The following KIF26B variants were observed in gnomAD, a reference collection of about 807,000 sequenced individuals.
KIF26B encodes kinesin family member 26B.
In KIF26B, 63 loss-of-function variants were observed where a neutral mutation model predicts 151.2. That is an observed-to-expected ratio of 0.42 (90% CI 0.34 to 0.51). KIF26B has a LOEUF of 0.51. Among genes scored for constraint, KIF26B ranks in the 20% least tolerant of loss-of-function variants. The pLI, the probability that KIF26B is intolerant of heterozygous loss-of-function variation, is 0.07. For missense variants in KIF26B, 2,813 were observed against 2,913.6 expected, an observed-to-expected ratio of 0.97 and a Z score of 0.79; for synonymous variants, 1,357 against 1,262.1, an observed-to-expected ratio of 1.08 and a Z score of -1.59.
chr1:245,496,561 A>G (rs2103076522), intron 4 of KIF26B, among the ~76,000 whole-genome samples: 1 of 152,328 alleles, frequency 6.6e-6, no homozygotes, highest in Non-Finnish European at 1.5e-5. Flanking sequence ...TAGTAAAATA[A>G]TGCATAAAAG....
chr1:245,393,341 C>T (rs912117144), intron 3 of KIF26B, among the ~76,000 whole-genome samples: 4 of 152,138 alleles, frequency 2.6e-5, no homozygotes, highest in African/African-American at 9.7e-5. Context: ...TTATGGCATT[C>T]TGTTCTTGCT....
chr1:245,668,015 C>T (rs2044236170), intron 10 of KIF26B, among the ~76,000 whole-genome samples: 1 of 152,202 alleles, frequency 6.6e-6, no homozygotes, highest in Admixed American at 6.5e-5. Flanking sequence ...CCTGCCTCAG[C>T]CTCCCAGGTA....
At chr1:245,365,517 C>CCCT (rs200696329) in intron 2 of KIF26B, among the ~76,000 whole-genome samples, 2 of 151,002 alleles carry the variant, frequency 1.3e-5, no homozygotes, top group African/African-American at 4.9e-5. Context: ...CACAACTCCC[C>CCCT]CCCACCAGCC....
intron 2 of KIF26B, 85 bp downstream of exon 2, chr1:245,156,768 A>T: frequency 4.7e-6 from 4 of 857,976 alleles, no homozygotes; most frequent in Non-Finnish European, 6.3e-6. Context: ...GCCCGCCGCG[A>T]CCTTGCGCGC....
In KIF26B at chr1:245,465,676, CGGA is replaced by C. The variant is rs766992171; in HGVS notation, c.1166+45933_1166+45935del. Among the ~76,000 whole-genome samples the C allele has an allele frequency of 1.1e-3, 171 of 152,276 alleles. 1 individual carries two copies. Among genetic ancestry groups the C allele is most frequent in the Non-Finnish European group, 2.2e-3 (149 of 68,028 alleles). On this transcript the variant is annotated intron_variant, in intron 4 of 14. Coordinates refer to ENST00000407071, the MANE Select transcript of KIF26B (RefSeq NM_018012.4). ...AAAGCGGATGGCGCGCTGCGTCTAA[CGGA>C]GAGTTTTTGGAAAGGACTGTTTACA...
At chr1:245,570,126 C>T (rs1367563918) in intron 5 of KIF26B, among the ~76,000 whole-genome samples, 8 of 151,680 alleles carry the variant, frequency 5.3e-5, no homozygotes, top group African/African-American at 1.9e-4. Context: ...TTAGTAGAGA[C>T]GGGGTTTCAT....
At chr1:245,307,620 G>GT (rs1281579313) in intron 2 of KIF26B, among the ~76,000 whole-genome samples, 1 of 152,018 alleles carries the variant, frequency 6.6e-6, no homozygotes, top group African/African-American at 2.4e-5. Flanking sequence ...TGCTTTGGAT[G>GT]TTTTTTTAGT....
intron 8 of KIF26B, among the ~76,000 whole-genome samples, chr1:245,610,467 C>T (rs2043507768): frequency 6.6e-6 from 1 of 152,200 alleles, no homozygotes. Context: ...GCATTTCCAA[C>T]AAGTTCCCAT....
At chr1:245,392,207 A>C (rs949499699) in intron 3 of KIF26B, among the ~76,000 whole-genome samples, 1 of 152,232 alleles carries the variant, frequency 6.6e-6, no homozygotes, top group Non-Finnish European at 1.5e-5. Context: ...ATGAAGGGGT[A>C]GTTCTCTTTC....
At chr1:245,410,258 C>T (rs1041236682) in intron 3 of KIF26B, among the ~76,000 whole-genome samples, 11 of 152,176 alleles carry the variant, frequency 7.2e-5, no homozygotes, top group African/African-American at 2.4e-4. Context: ...GCAGAACACA[C>T]CTCGTGACAT....
At chr1:245,419,516 G>A in intron 3 of KIF26B, 63 bp from the exon 4 acceptor site, 9 of 1,482,366 alleles carry the variant, frequency 6.1e-6, no homozygotes, top group Non-Finnish European at 8.3e-6. Flanking sequence ...GAGAGATGCT[G>A]TCAGTGGTCA....
chr1:245,534,127 T>C (rs538520967), intron 4 of KIF26B, among the ~76,000 whole-genome samples: 13 of 151,586 alleles, frequency 8.6e-5, no homozygotes, highest in Admixed American at 3.9e-4. Context: ...ACTGCTCTTC[T>C]CCTCACTGCC....
chr1:245,611,917 A>C lies in KIF26B; in HGVS notation c.2039A>C (p.His680Pro), dbSNP rs1361480146. The change falls in exon 9 of 15, where the codon CAC (histidine) becomes CCC (proline). Residue 680 changes from histidine to proline, a missense_variant. Coordinates refer to ENST00000407071, the MANE Select transcript of KIF26B (RefSeq NM_018012.4). Reference sequence around the variant, plus strand: ...GATGAGGACGACCACCGCAACTCACACGTGTTCTTCACACTGCACATCTAC... The same window carrying C: ...GATGAGGACGACCACCGCAACTCACCCGTGTTCTTCACACTGCACATCTAC... The part of the protein sequence containing the change: ...DCDEDDHRNS[H>P]VFFTLHIYQY... 1 of 1,613,772 alleles carries C rather than the reference A, an allele frequency of 6.2e-7. No homozygotes were observed.
chr1:245,442,703 C>CTGTCATCTCCCTCACTGTTCACCTAGAGT (rs1659137237), intron 4 of KIF26B, among the ~76,000 whole-genome samples: 4 of 150,168 alleles, frequency 2.7e-5, no homozygotes, highest in Admixed American at 2.0e-4. Context: ...TCACCTAGAG[C>CTGTCATCTCCCTCACTGTTCACCTAGAGT]TGTCATCTCC....
Position 245,245,549 on chromosome 1 carries a change from G to T in KIF26B, c.465+88866G>T, listed in dbSNP as rs919720624. ...CTCACGCCTCTAATCTCAGCACTTT[G>T]GGAGGCCAAGGTAGGCAGATCACCT... is the stretch of plus-strand genomic sequence containing the variant. On this transcript the variant is annotated intron_variant, in intron 2 of 14. Coordinates refer to ENST00000407071, the MANE Select transcript of KIF26B (RefSeq NM_018012.4). Among the ~76,000 whole-genome samples, 4 of 152,142 alleles carry T rather than the reference G, an allele frequency of 2.6e-5. 1 individual carries two copies. The highest frequency in any genetic ancestry group is 9.7e-5 in the African/African-American group (4 of 41,418).
intron 2 of KIF26B, among the ~76,000 whole-genome samples, chr1:245,242,266 G>A (rs563670924): frequency 2.6e-5 from 4 of 152,218 alleles, no homozygotes; most frequent in African/African-American, 7.2e-5. Context: ...TTGAATGTCC[G>A]GCATTAGCGT....
Position 245,688,089 on chromosome 1 carries a change from C to A in KIF26B, c.5106C>A (p.Thr1702=), listed in dbSNP as rs372033845. 12 of 1,553,902 alleles carry A rather than the reference C, an allele frequency of 7.7e-6. No individual in the cohort carries two copies. The highest frequency in any genetic ancestry group is 1.0e-5 in the Non-Finnish European group (12 of 1,150,932). Residue 1702 remains threonine, a synonymous_variant, in exon 12 of 15, where the codon ACC becomes ACA. Coordinates refer to ENST00000407071, the MANE Select transcript of KIF26B (RefSeq NM_018012.4). The stretch of plus-strand genomic sequence containing the variant: ...GGCTGCACGCGGGCAAGGACGGCAC[C>A]ATGCCCCGCGCGGGGAGGAGCCTGG... The part of the protein sequence containing the change: ...SSRLHAGKDG[T]MPRAGRSLGR...
chr1:245,391,558 A>C (rs1188428787), intron 3 of KIF26B, among the ~76,000 whole-genome samples: 1 of 151,966 alleles, frequency 6.6e-6, no homozygotes, highest in Non-Finnish European at 1.5e-5. Context: ...TTGGCAGGCC[A>C]ATTTGGGAGG....
intron 2 of KIF26B, among the ~76,000 whole-genome samples, chr1:245,217,121 A>G (rs760621313): frequency 3.3e-5 from 5 of 152,196 alleles, no homozygotes; most frequent in South Asian, 4.1e-4. Context: ...GTGATGTCCA[A>G]TTCCCCTCTG....
Sources: allele counts gnomAD v4.1 joint callset (sites outside exome capture counted in the v4.1 genomes callset), GRCh38; gene constraint gnomAD v4.1.1; transcripts MANE v1.5; gene names NCBI Gene and HGNC (gene_info 2026-07-23, HGNC 2026-07-21).